FER: variants seen among roughly 807,000 people sequenced by gnomAD.
The protein encoded by FER is tyrosine-protein kinase Fer.
Under a neutral mutation model 111.0 loss-of-function variants are expected in FER, and 63 were observed. That is an observed-to-expected ratio of 0.57 (90% CI 0.46 to 0.70). The LOEUF (loss-of-function observed/expected upper bound fraction) is 0.70, where lower values mean the gene tolerates loss of function less well. Among genes scored for constraint, FER ranks in the 30% least tolerant of loss-of-function variants. The pLI is 0.00. For missense variants in FER, 914 were observed against 954.0 expected (o/e 0.96, Z 0.55); for synonymous variants, 327 against 313.9 (o/e 1.04, Z -0.44).
At chr5:108,866,253 C>A (rs932792321) in intron 5 of FER, among the ~76,000 whole-genome samples, 9 of 152,052 alleles carry the variant, frequency 5.9e-5, no homozygotes, top group Non-Finnish European at 8.8e-5. Context: ...TACTATGCAG[C>A]CATAAAAAAG....
intron 13 of FER, among the ~76,000 whole-genome samples, chr5:108,964,099 A>G (rs1759493294): frequency 6.6e-6 from 1 of 152,170 alleles, no homozygotes; most frequent in African/African-American, 2.4e-5. Flanking sequence ...TTAAGAAAGG[A>G]ATGAAAAATA....
At chr5:108,888,107 C>A (rs951715157) in intron 9 of FER, among the ~76,000 whole-genome samples, 1 of 151,798 alleles carries the variant, frequency 6.6e-6, no homozygotes, top group African/African-American at 2.4e-5. Context: ...GAGAGACTTG[C>A]AAAATGTCAC....
chr5:109,026,301 C>T (rs1768726636), intron 13 of FER, among the ~76,000 whole-genome samples: 1 of 151,986 alleles, frequency 6.6e-6, no homozygotes, highest in Admixed American at 6.6e-5. Flanking sequence ...TAAATAAGAA[C>T]CATTTGGGAA....
chr5:109,102,806 A>G (rs1748414782), intron 17 of FER, among the ~76,000 whole-genome samples: 1 of 151,924 alleles, frequency 6.6e-6, no homozygotes, highest in Admixed American at 6.6e-5. Context: ...TCATTTTAGT[A>G]CTTCACCAAT....
intron 13 of FER, among the ~76,000 whole-genome samples, chr5:108,961,723 C>T (rs1413578046): frequency 6.6e-6 from 1 of 152,052 alleles, no homozygotes; most frequent in Non-Finnish European, 1.5e-5. Flanking sequence ...AATCACAAAG[C>T]AGAAGCTTTG....
intron 17 of FER, among the ~76,000 whole-genome samples, chr5:109,136,523 TAGAA>T (rs1258026190): frequency 6.6e-6 from 1 of 152,164 alleles, no homozygotes; most frequent in African/African-American, 2.4e-5. Flanking sequence ...CTGTACTGCT[TAGAA>T]AGACAATCTT....
At chr5:109,149,240 CA>C (rs1373981337) in intron 17 of FER, among the ~76,000 whole-genome samples, 1 of 152,100 alleles carries the variant, frequency 6.6e-6, no homozygotes, top group Non-Finnish European at 1.5e-5. Flanking sequence ...AGGTCTCTCA[CA>C]AATGGCTCTT....
At chr5:109,082,896 G>C (rs181740421) in intron 16 of FER, among the ~76,000 whole-genome samples, 7 of 151,922 alleles carry the variant, frequency 4.6e-5, no homozygotes, top group Admixed American at 1.3e-4. Flanking sequence ...AAATCTGTCA[G>C]ACCTATCAAA....
intron 17 of FER, among the ~76,000 whole-genome samples, chr5:109,160,148 G>A (rs1304049098): frequency 6.6e-6 from 1 of 152,122 alleles, no homozygotes; most frequent in East Asian, 1.9e-4. Flanking sequence ...ATCCCGAATA[G>A]ATTTCTTCCC....
Position 108,959,290 on chromosome 5 carries a change from A to T in FER, c.1599A>T (p.Thr533=). The change falls in exon 13 of 20, where the codon ACA becomes ACT. Residue 533 remains threonine (T), a synonymous_variant. Coordinates refer to ENST00000281092, the MANE Select transcript of FER (RefSeq NM_005246.4). ...CTCAACTTATAGATCATCACTATAC[A>T]ACAAAACAGGTCATCACTAAGAAAT... ...NIPQLIDHHY[T]TKQVITKKSG... 6.2e-7 allele frequency: 1 copy of T among 1,612,106 alleles called. No individual in the cohort carries two copies. The highest frequency in any genetic ancestry group is 8.5e-7 in the Non-Finnish European group (1 of 1,178,784).
intron 17 of FER, among the ~76,000 whole-genome samples, chr5:109,122,282 G>C (rs559937772): frequency 6.6e-6 from 1 of 152,024 alleles, no homozygotes; most frequent in South Asian, 2.1e-4. Context: ...CATATCAATT[G>C]TAGCAGGACA....
At chr5:109,080,386 C>T (rs1317610704) in intron 16 of FER, among the ~76,000 whole-genome samples, 1 of 152,026 alleles carries the variant, frequency 6.6e-6, no homozygotes, top group African/African-American at 2.4e-5. Context: ...GGAAAGGTCA[C>T]ATAGATAATA....
At chr5:108,847,596 T>C (rs7716358) in intron 5 of FER, among the ~76,000 whole-genome samples, 34,145 of 152,090 alleles carry the variant, frequency 0.22, 4,030 homozygotes, top group African/African-American at 0.28. Flanking sequence ...CAGTTATTGA[T>C]GGAAGGATAT....
chr5:108,830,144 A>G (rs1759885788), intron 3 of FER, among the ~76,000 whole-genome samples: 1 of 152,202 alleles, frequency 6.6e-6, no homozygotes, highest in South Asian at 2.1e-4. Context: ...AGATAATGGG[A>G]GACATTATAA....
chr5:109,151,606 A>G (rs1754862471), intron 17 of FER, among the ~76,000 whole-genome samples: 1 of 152,252 alleles, frequency 6.6e-6, no homozygotes, highest in African/African-American at 2.4e-5. Context: ...AGATGGTTCC[A>G]GTAAAGAAAC....
chr5:108,810,654 G>A (rs1164247612), intron 3 of FER, among the ~76,000 whole-genome samples: 1 of 152,218 alleles, frequency 6.6e-6, no homozygotes, highest in Admixed American at 6.5e-5. Context: ...CTCTGCACAG[G>A]AATGGTGGGG....
rs750596615 is a variant in FER at position 108,761,469 on chromosome 5, C to T, written c.-205-6624C>T. ...CATAACACTTATCAGTTAAGTTCAC[C>T]GTTATATATGAGTGTGGTTCTTGGT... On this transcript the variant is annotated intron_variant, in intron 1 of 19. Coordinates refer to ENST00000281092, the MANE Select transcript of FER (RefSeq NM_005246.4). 6.6e-4 allele frequency among the ~76,000 whole-genome samples: 101 copies of T among 152,010 alleles called. 1 individual carries two copies. The highest frequency in any genetic ancestry group is 9.1e-4 in the Non-Finnish European group (62 of 67,972).
chr5:109,099,640 A>G (rs952746653), intron 16 of FER, among the ~76,000 whole-genome samples: 3 of 151,602 alleles, frequency 2.0e-5, no homozygotes, highest in Non-Finnish European at 3.0e-5. Context: ...GTTAGATTCA[A>G]GAAAACTATA....
At chr5:108,811,984 C>G (rs1421439697) in intron 3 of FER, among the ~76,000 whole-genome samples, 3 of 152,172 alleles carry the variant, frequency 2.0e-5, no homozygotes, top group Non-Finnish European at 4.4e-5. Context: ...TGGAAACACC[C>G]TCAAAGACAC....
Sources: allele counts gnomAD v4.1 joint callset (sites outside exome capture counted in the v4.1 genomes callset), GRCh38; gene constraint gnomAD v4.1.1; transcripts MANE v1.5; gene names NCBI Gene and HGNC (gene_info 2026-07-23, HGNC 2026-07-21).